Variants in PRTG observed in about 807,000 individuals in gnomAD.
PRTG encodes the protein immunoglobulin superfamily, DCC subclass, member 5.
PRTG carries 67 observed loss-of-function variants against 122.5 expected under a neutral mutation model. The ratio of observed to expected loss-of-function variants is 0.55; its 90% CI spans 0.45 to 0.67. The LOEUF (loss-of-function observed/expected upper bound fraction) is 0.67. PRTG is among the 30% of genes least tolerant of loss of function. The pLI is 0.00. For synonymous variants in PRTG, 554 were observed against 501.1 expected (o/e 1.11, Z -1.41); for missense variants, 1,435 against 1,415.4 (o/e 1.01, Z -0.22).
chr15:55,705,209 G>C (rs373772740), intron 2 of PRTG, among the ~76,000 whole-genome samples: 31 of 152,130 alleles, frequency 2.0e-4, no homozygotes, highest in African/African-American at 7.0e-4. Flanking sequence ...ATCCACTCAA[G>C]GAGTCCATCA....
At chr15:55,686,440 T>C (rs1055230045) in intron 2 of PRTG, among the ~76,000 whole-genome samples, 3 of 152,174 alleles carry the variant, frequency 2.0e-5, no homozygotes, top group Admixed American at 6.5e-5. Flanking sequence ...TCCCCCAGCC[T>C]GTCCACTTTA....
At chr15:55,656,909 G>A (rs2059383331) in intron 11 of PRTG, among the ~76,000 whole-genome samples, 1 of 152,082 alleles carries the variant, frequency 6.6e-6, no homozygotes, top group South Asian at 2.1e-4. Context: ...TTGACACTGA[G>A]GACAATAAAA....
chr15:55,686,410 T>A (rs2141821996), intron 2 of PRTG, among the ~76,000 whole-genome samples: 1 of 152,240 alleles, frequency 6.6e-6, no homozygotes, highest in South Asian at 2.1e-4. Flanking sequence ...TAGTTTAAAT[T>A]TTTTTTACAG....
chr15:55,730,530 G>A (rs189254117), intron 2 of PRTG, among the ~76,000 whole-genome samples: 64 of 152,310 alleles, frequency 4.2e-4, no homozygotes, highest in African/African-American at 1.5e-3. Flanking sequence ...GCTAGATGCA[G>A]TGGCTCAAGC....
Position 55,682,443 on chromosome 15 carries a change from A to C in PRTG, c.597T>G (p.Asp199Glu). The C allele has an allele frequency of 6.2e-7, 1 of 1,603,722 alleles. No individual in the cohort carries two copies. The highest frequency in any genetic ancestry group is 2.3e-5 in the East Asian group (1 of 44,394). The change falls in exon 4 of 20, where the codon GAT (aspartate) becomes GAG (glutamate). Residue 199 changes from aspartate to glutamate, a missense_variant. Coordinates refer to ENST00000389286, the MANE Select transcript of PRTG (RefSeq NM_173814.6). The part of the protein sequence containing the change: ...VLQIYDVSQR[D>E]SGNYRCIAAT... The stretch of plus-strand genomic sequence containing the variant: ...CAGCAATACAACGATAATTTCCAGA[A>C]TCCCTTTGGCTGACATCATAGATCT...
rs201586935 is a variant in PRTG, at chr15:55,721,349, CCTTGCAGTTAATCA to C, written c.397+19019_397+19032del. Reference sequence around the variant, plus strand: ...AAACACAAATCTGATGAAGCCAATCCCTTGCAGTTAATCACTTGCAAGTTAAATTCCAGGTTCGT... The same window carrying C: ...AAACACAAATCTGATGAAGCCAATCCCTTGCAAGTTAAATTCCAGGTTCGT... On this transcript the variant is annotated intron_variant, in intron 2 of 19. Transcript: ENST00000389286. 6.6e-5 allele frequency among the ~76,000 whole-genome samples: 10 copies of C among 152,218 alleles called. No individual in the cohort carries two copies. In the East Asian group the frequency reaches 1.9e-3, roughly 29 times the overall value.
In PRTG at chr15:55,706,024, T is replaced by TTTC. The variant is rs796341686; in HGVS notation, c.398-22094_398-22093insGAA. 6.9e-4 allele frequency among the ~76,000 whole-genome samples: 96 copies of TTTC among 139,876 alleles called. 1 individual carries two copies. The highest frequency in any genetic ancestry group is 2.4e-3 in the African/African-American group (90 of 37,690). 91.8% of individuals were successfully genotyped at this position (139,876 alleles called of 152,430 possible). ...CACCATGCCCAGCTAATTTTTTTTT[T>TTTC]TTTTTTTTTGTATTTTTAGTAGAGA... On this transcript the variant is annotated intron_variant, in intron 2 of 19. Coordinates refer to ENST00000389286, the MANE Select transcript of PRTG (RefSeq NM_173814.6).
intron 11 of PRTG, among the ~76,000 whole-genome samples, chr15:55,656,861 C>A (rs2059383023): frequency 6.6e-6 from 1 of 152,158 alleles, no homozygotes; most frequent in South Asian, 2.1e-4. Context: ...AAGTTATATC[C>A]ATCTATCTAT....
intron 13 of PRTG, among the ~76,000 whole-genome samples, chr15:55,639,020 A>C (rs2059274420): frequency 6.6e-6 from 1 of 152,094 alleles, no homozygotes; most frequent in Non-Finnish European, 1.5e-5. Flanking sequence ...TATTCAGGCT[A>C]GAGTGCAGTA....
At chr15:55,667,901 C>G (rs2059447727) in intron 11 of PRTG, among the ~76,000 whole-genome samples, 1 of 152,098 alleles carries the variant, frequency 6.6e-6, no homozygotes, top group Admixed American at 6.6e-5. Flanking sequence ...GCCTGGGCAA[C>G]AGAATGAAAC....
Position 55,638,677 on chromosome 15 carries a change from C to T in PRTG, c.2325-1G>A. ...TTGAACCAACATGTGAGTTTCTGAT[C>T]TATAATAACGAGTGATGAAGTTGTT... is the stretch of plus-strand genomic sequence containing the variant. On this transcript the variant is annotated splice_acceptor_variant, in intron 13 of 19. Transcript: ENST00000389286. LOFTEE classifies it high-confidence loss of function. The T allele has an allele frequency of 6.2e-7, 1 of 1,611,016 alleles. No individual in the cohort carries two copies. Among genetic ancestry groups the T allele is most frequent in the Non-Finnish European group, 8.5e-7 (1 of 1,178,836 alleles).
rs1008329520 is a variant in PRTG at position 55,682,212 on chromosome 15, T to C, written c.676+152A>G. 12 of 538,500 alleles carry C rather than the reference T, an allele frequency of 2.2e-5. 1 individual carries two copies. The highest frequency in any genetic ancestry group is 4.3e-5 in the Admixed American group (1 of 23,502). The allele number at this position is 538,500 out of a possible 1,614,324, so 33.4% of individuals were successfully genotyped here. A position where few individuals can be genotyped will look rare whatever the true frequency, so the allele number is the denominator to read the frequency against. Reference sequence around the variant, plus strand: ...AGAAAACTGGCCTATGAAAGAAGAGTTGCTTAATAACTAAAAATGACCATT... The same window carrying C: ...AGAAAACTGGCCTATGAAAGAAGAGCTGCTTAATAACTAAAAATGACCATT... On this transcript the variant is annotated intron_variant, in intron 4 of 19. Coordinates refer to ENST00000389286, the MANE Select transcript of PRTG (RefSeq NM_173814.6).
intron 4 of PRTG, among the ~76,000 whole-genome samples, 159 bp downstream of exon 4, chr15:55,682,205 A>G (rs891268888): frequency 7.2e-5 from 11 of 152,244 alleles, no homozygotes; most frequent in Non-Finnish European, 1.6e-4. Context: ...GGCCTATGAA[A>G]GAAGAGTTGC....
At chr15:55,742,784 C>A in intron 1 of PRTG, 54 bp downstream of exon 1, 3 of 1,535,878 alleles carry the variant, frequency 2.0e-6, no homozygotes, top group Non-Finnish European at 2.6e-6. Context: ...CCATCCCACT[C>A]GCGCCCGCTC....
At chr15:55,673,877 A>G (rs1257088050) in intron 9 of PRTG, among the ~76,000 whole-genome samples, 1 of 152,226 alleles carries the variant, frequency 6.6e-6, no homozygotes, top group Admixed American at 6.5e-5. Context: ...GTGTGGAAAC[A>G]AAGAATATAA....
At chr15:55,645,327 G>A (rs1001646049) in intron 11 of PRTG, among the ~76,000 whole-genome samples, 5 of 147,010 alleles carry the variant, frequency 3.4e-5, no homozygotes, top group African/African-American at 5.0e-5. Context: ...CCAGCTACAC[G>A]GGAGGCTGAG....
chr15:55,645,326 C>G (rs906013935), intron 11 of PRTG, among the ~76,000 whole-genome samples: 1 of 144,986 alleles, frequency 6.9e-6, no homozygotes, highest in African/African-American at 2.5e-5. Flanking sequence ...CCCAGCTACA[C>G]GGGAGGCTGA....
chr15:55,739,628 G>C (rs951447364), intron 2 of PRTG, among the ~76,000 whole-genome samples: 3 of 152,154 alleles, frequency 2.0e-5, no homozygotes, highest in Non-Finnish European at 4.4e-5. Flanking sequence ...GGCATAAGGA[G>C]TTCAGTACTT....
intron 2 of PRTG, among the ~76,000 whole-genome samples, chr15:55,726,963 A>C (rs1465213245): frequency 6.6e-6 from 1 of 151,694 alleles, no homozygotes; most frequent in East Asian, 1.9e-4. Context: ...AAAAAAAAAA[A>C]AGAAAAAGAA....
Sources: allele counts gnomAD v4.1 joint callset (sites outside exome capture counted in the v4.1 genomes callset), GRCh38; gene constraint gnomAD v4.1.1; transcripts MANE v1.5; gene names NCBI Gene and HGNC (gene_info 2026-07-23, HGNC 2026-07-21).